ABCA4: variants seen among roughly 807,000 people sequenced by gnomAD.
ABCA4 encodes ATP binding cassette subfamily A member 4, also known as retinal-specific phospholipid-transporting ATPase ABCA4.
In ABCA4, 196 loss-of-function variants were observed where a neutral mutation model predicts 263.7. The ratio of observed to expected loss-of-function variants is 0.74; its 90% CI spans 0.66 to 0.84. ABCA4 has a LOEUF of 0.84. ABCA4 is among the 40% of genes least tolerant of loss of function. The probability of loss-of-function intolerance (pLI) is 0.00; values close to 1 mark genes in which losing one functional copy is unlikely to be tolerated. For missense variants in ABCA4, 2,792 were observed against 2,855.1 expected (o/e 0.98, Z 0.50); for synonymous variants, 1,133 against 1,094.2 (o/e 1.04, Z -0.70).
In ABCA4 at chr1:94,010,999, G is replaced by A. The variant is rs537831; in HGVS notation, c.5585-70C>T. 0.72 allele frequency: 1,154,688 copies of A among 1,612,124 alleles called. 416,992 individuals are homozygous for A. The highest frequency in any genetic ancestry group is 0.82 in the East Asian group (36,805 of 44,838). Reference sequence around the variant, plus strand: ...ACCCCACAGACCTGGCCACAGCACAGGGCCCACTAGACCAGGCCTTATGTG... The same window carrying A: ...ACCCCACAGACCTGGCCACAGCACAAGGCCCACTAGACCAGGCCTTATGTG... On this transcript the variant is annotated intron_variant, in intron 39 of 49. Coordinates refer to ENST00000370225, the MANE Select transcript of ABCA4 (RefSeq NM_000350.3).
At chr1:94,081,006 C>T (rs1252724708) in intron 7 of ABCA4, among the ~76,000 whole-genome samples, 2 of 152,010 alleles carry the variant, frequency 1.3e-5, no homozygotes, top group South Asian at 2.1e-4. Context: ...GGGCGGATCA[C>T]GAGGTCAGGA....
Position 94,120,964 on chromosome 1 carries a change from A to T in ABCA4, c.66+16T>A. On this transcript the variant is annotated intron_variant, in intron 1 of 49. Coordinates refer to ENST00000370225, the MANE Select transcript of ABCA4 (RefSeq NM_000350.3). ...GCTCCACACCTCATTTTTAAACCAC[A>T]GACAGTAACTGTTACCTTTTGCCTT... The T allele has an allele frequency of 6.3e-7, 1 of 1,594,132 alleles. No homozygotes were observed. Among genetic ancestry groups the T allele is most frequent in the Non-Finnish European group, 8.5e-7 (1 of 1,171,410 alleles).
At chr1:94,063,733 G>GAA (rs143149524) in intron 11 of ABCA4, among the ~76,000 whole-genome samples, 8,159 of 152,258 alleles carry the variant, frequency 0.054, 729 homozygotes, top group African/African-American at 0.19. Context: ...AAGAGAGAGA[G>GAA]AAACATTCCT....
At chr1:94,102,953 C>A in intron 5 of ABCA4, 62 bp downstream of exon 5, 1 of 1,607,908 alleles carries the variant, frequency 6.2e-7, no homozygotes, top group South Asian at 1.1e-5. Context: ...ATATTTCTTG[C>A]CTTTCTCAGG....
In ABCA4 at chr1:94,088,139, C is replaced by T. The variant is rs139118039; in HGVS notation, c.769-4698G>A. On this transcript the variant is annotated intron_variant, in intron 6 of 49. Transcript: ENST00000370225. ...TACTAAGATGCTTTATCAAGAACCC[C>T]CCAGTTTTCTCCTGGTTTTTAAGTC... 9.8e-5 allele frequency among the ~76,000 whole-genome samples: 15 copies of T among 152,316 alleles called. No homozygotes were observed. In the East Asian group the frequency reaches 2.9e-3, roughly 29 times the overall value.
At chr1:94,016,315 C>A (rs991718748) in intron 36 of ABCA4, among the ~76,000 whole-genome samples, 11 of 152,176 alleles carry the variant, frequency 7.2e-5, no homozygotes, top group African/African-American at 2.7e-4. Context: ...GGGGAGGAGC[C>A]ATGGTGATCA....
At chr1:94,079,993 CAA>C (rs4147885) in intron 8 of ABCA4, among the ~76,000 whole-genome samples, 3,106 of 148,128 alleles carry the variant, frequency 0.021, 78 homozygotes, top group African/African-American at 0.067. Context: ...CATAGAAGAC[CAA>C]AAAAAAAAAA....
chr1:94,046,079 A>G (rs1253885967), intron 19 of ABCA4: 2 of 386,588 alleles, frequency 5.2e-6, no homozygotes, highest in African/African-American at 2.1e-5. Flanking sequence ...CTCCAGAACG[A>G]CCACTAACCC....
chr1:94,067,214 C>T (rs1458673082), intron 11 of ABCA4, among the ~76,000 whole-genome samples: 1 of 138,936 alleles, frequency 7.2e-6, no homozygotes, highest in African/African-American at 2.6e-5. Context: ...TGACAGTATA[C>T]CTCTTAAAAC....
At chr1:94,055,972 G>C (rs972911831) in intron 15 of ABCA4, among the ~76,000 whole-genome samples, 1 of 152,152 alleles carries the variant, frequency 6.6e-6, no homozygotes, top group Non-Finnish European at 1.5e-5. Context: ...GGGTGGAAAT[G>C]GCCCATTTGA....
chr1:94,114,750 G>C (rs1394269128), intron 1 of ABCA4, among the ~76,000 whole-genome samples: 1 of 152,208 alleles, frequency 6.6e-6, no homozygotes, highest in Non-Finnish European at 1.5e-5. Context: ...GCCTCCCAAA[G>C]TGCTGGGATT....
Position 94,021,649 on chromosome 1 carries a change from G to T in ABCA4, c.4839C>A (p.Asp1613Glu), listed in dbSNP as rs1659900493. 1.2e-6 allele frequency: 2 copies of T among 1,611,794 alleles called. No homozygotes were observed. The highest frequency in any genetic ancestry group is 1.1e-5 in the South Asian group (1 of 90,842). Residue 1613 changes from aspartate to glutamate, a missense_variant, in exon 34 of 50, where the codon GAC (aspartate) becomes GAA (glutamate). Asp to Glu is a conservative substitution (Grantham distance 45). Coordinates refer to ENST00000370225, the MANE Select transcript of ABCA4 (RefSeq NM_000350.3). ...PDFLKHLETE[D>E]NIKVWFNNKG... ...TACATAGGTCAAGTACCTTAATGTT[G>T]TCTTCAGTTTCTAGATGTTTAAGGA...
At chr1:94,093,497 G>T (rs1662032035) in intron 6 of ABCA4, among the ~76,000 whole-genome samples, 1 of 152,184 alleles carries the variant, frequency 6.6e-6, no homozygotes, top group Non-Finnish European at 1.5e-5. Flanking sequence ...CTCACACATT[G>T]GTGCACACAT....
At chr1:93,995,425 G>A (rs1156675382) in intron 49 of ABCA4, among the ~76,000 whole-genome samples, 3 of 152,172 alleles carry the variant, frequency 2.0e-5, no homozygotes, top group African/African-American at 4.8e-5. Flanking sequence ...CCAAGGCATT[G>A]GGATGCTGGT....
Position 94,121,021 on chromosome 1 carries a change from G to T in ABCA4, c.25C>A (p.Leu9Ile). 1.2e-6 allele frequency: 2 copies of T among 1,613,862 alleles called. No homozygotes were observed. The highest frequency in any genetic ancestry group is 1.7e-6 in the Non-Finnish European group (2 of 1,180,008). Residue 9 changes from leucine (L) to isoleucine (I), a missense_variant, in exon 1 of 50, where the codon CTT (leucine) becomes ATT (isoleucine). Physicochemically the swap from Leu to Ile is conservative, Grantham distance 5 (BLOSUM62 2). Transcript: ENST00000370225. The stretch of plus-strand genomic sequence containing the variant: ...AGGGTCCAGTTCTTCCAGAGCAAAA[G>T]CTGTATCTGTCTCACGAAGCCCATG... MGFVRQIQ[L>I]LLWKNWTLRK...
intron 36 of ABCA4, among the ~76,000 whole-genome samples, chr1:94,016,396 G>T (rs1435926956): frequency 6.6e-6 from 1 of 152,152 alleles, no homozygotes; most frequent in Non-Finnish European, 1.5e-5. Context: ...GGCCTCAACG[G>T]GATGAGAAAG....
Position 94,032,051 on chromosome 1 carries a change from G to A in ABCA4, c.3863-8C>T, listed in dbSNP as rs749044931. On this transcript the variant is annotated splice_polypyrimidine_tract_variant and splice_region_variant and intron_variant, in intron 26 of 49. Transcript: ENST00000370225. ...TTTTCTGCTGAGCGCCACCTGTTTT[G>A]AGAGATTGAATTAATAATTTGGAAA... is the stretch of plus-strand genomic sequence containing the variant. 3.7e-6 allele frequency: 6 copies of A among 1,608,430 alleles called. No individual in the cohort carries two copies. The South Asian group carries it at 6.6e-5, about 18-fold the overall frequency.
At chr1:93,995,083 G>A (rs1406493516) in intron 49 of ABCA4, among the ~76,000 whole-genome samples, 1 of 151,862 alleles carries the variant, frequency 6.6e-6, no homozygotes, top group Non-Finnish European at 1.5e-5. Context: ...CTCAGTAAAA[G>A]CAAACTTTCT....
At chr1:94,041,458 G>A in intron 22 of ABCA4, 56 bp from the exon 23 acceptor site, 1 of 1,589,116 alleles carries the variant, frequency 6.3e-7, no homozygotes, top group Non-Finnish European at 8.6e-7. Flanking sequence ...GGCATTGTTG[G>A]TAAAGGGTGT....
Sources: allele counts gnomAD v4.1 joint callset (sites outside exome capture counted in the v4.1 genomes callset), GRCh38; gene constraint gnomAD v4.1.1; transcripts MANE v1.5; gene names NCBI Gene and HGNC (gene_info 2026-07-23, HGNC 2026-07-21).